The following SPMAP2L variants were observed in gnomAD, a reference collection of about 807,000 sequenced individuals.
SPMAP2L encodes the protein sperm microtubule associated protein 2-like.
the SPMAP2L span, among the ~76,000 whole-genome samples, chr4:56,614,428 G>A: frequency 6.6e-6 from 1 of 152,138 alleles, no homozygotes; most frequent in Non-Finnish European, 1.5e-5. Context: ...GCCAAGCCGG[G>A]TGGATCACTT....
chr4:56,595,581 T>G, the SPMAP2L span: 1 of 1,364,286 alleles, frequency 7.3e-7, no homozygotes, highest in Admixed American at 1.7e-5. Context: ...CCCACTCCCC[T>G]TCGTGAAACC....
the SPMAP2L span, among the ~76,000 whole-genome samples, chr4:56,547,761 C>T: frequency 3.3e-5 from 5 of 152,166 alleles, no homozygotes; most frequent in Non-Finnish European, 4.4e-5. Flanking sequence ...GGATTAAAAA[C>T]TCCCAAGAAA....
the SPMAP2L span, among the ~76,000 whole-genome samples, chr4:56,571,692 A>C: frequency 6.6e-6 from 1 of 152,124 alleles, no homozygotes; most frequent in Non-Finnish European, 1.5e-5. Flanking sequence ...AAAAAAAATT[A>C]AAAAAATTAT....
At chr4:56,595,246 AT>A in the SPMAP2L span, 4 of 1,612,232 alleles carry the variant, frequency 2.5e-6, no homozygotes, top group Non-Finnish European at 3.4e-6. Context: ...TCATGAATTT[AT>A]TTTGGACACG....
chr4:56,609,110 C>T, the SPMAP2L span, among the ~76,000 whole-genome samples: 252 of 143,712 alleles, frequency 1.8e-3, 5 homozygotes, highest in East Asian at 0.039. Flanking sequence ...AGTGCAGTGG[C>T]GTGATCTTGG....
the SPMAP2L span, among the ~76,000 whole-genome samples, chr4:56,617,777 G>A: frequency 3.3e-5 from 5 of 152,152 alleles, no homozygotes; most frequent in African/African-American, 4.8e-5. Context: ...CTGATCACAC[G>A]TGGGCTTGGA....
the SPMAP2L span, among the ~76,000 whole-genome samples, chr4:56,565,180 G>T: frequency 1.3e-5 from 2 of 152,146 alleles, no homozygotes; most frequent in African/African-American, 4.8e-5. Context: ...AGGCCAAGTT[G>T]GTTGGTAGTC....
At chr4:56,614,139 G>T in the SPMAP2L span, among the ~76,000 whole-genome samples, 6 of 152,162 alleles carry the variant, frequency 3.9e-5, no homozygotes, top group Non-Finnish European at 2.9e-5. Context: ...AGCTTGAATA[G>T]GATTGGGCAA....
At chr4:56,563,967 A>G in the SPMAP2L span, among the ~76,000 whole-genome samples, 4 of 152,188 alleles carry the variant, frequency 2.6e-5, no homozygotes, top group African/African-American at 7.2e-5. Context: ...GAATTCTCCA[A>G]TGAAGTCGTC....
the SPMAP2L span, among the ~76,000 whole-genome samples, chr4:56,582,654 T>C: frequency 6.6e-6 from 1 of 152,184 alleles, no homozygotes; most frequent in Non-Finnish European, 1.5e-5. Flanking sequence ...AAACAGTTTT[T>C]CAGTGCCTCA....
chr4:56,586,900 T>C, the SPMAP2L span, among the ~76,000 whole-genome samples: 2 of 148,088 alleles, frequency 1.4e-5, no homozygotes, highest in Non-Finnish European at 3.0e-5. Context: ...AAAGAATTTA[T>C]AGGCACTTAA....
chr4:56,613,046 C>T, the SPMAP2L span, among the ~76,000 whole-genome samples: 1 of 152,120 alleles, frequency 6.6e-6, no homozygotes, highest in African/African-American at 2.4e-5. Flanking sequence ...AAGCTGTCTT[C>T]AGTGGTTAGC....
chr4:56,543,314 C>T, the SPMAP2L span, among the ~76,000 whole-genome samples: 1 of 152,084 alleles, frequency 6.6e-6, no homozygotes, highest in African/African-American at 2.4e-5. Flanking sequence ...CGACCTCCTG[C>T]CCTCGTGATC....
At chr4:56,541,426 TAG>T in the SPMAP2L span, among the ~76,000 whole-genome samples, 3 of 152,218 alleles carry the variant, frequency 2.0e-5, no homozygotes, top group Admixed American at 6.5e-5. Flanking sequence ...TTGACATCAC[TAG>T]AGTCATTTTT....
At chr4:56,622,948 G>A in the SPMAP2L span, among the ~76,000 whole-genome samples, 1 of 152,100 alleles carries the variant, frequency 6.6e-6, no homozygotes, top group African/African-American at 2.4e-5. Flanking sequence ...GAGTGGTGGG[G>A]CTGGAGGGCT....
At chr4:56,592,977 T>G in the SPMAP2L span, 1 of 1,604,308 alleles carries the variant, frequency 6.2e-7, no homozygotes, top group Non-Finnish European at 8.5e-7. Flanking sequence ...CCCTTGAAAA[T>G]GGAAGACCCT....
the SPMAP2L span, among the ~76,000 whole-genome samples, chr4:56,609,262 C>T: frequency 1.3e-5 from 2 of 151,988 alleles, no homozygotes; most frequent in South Asian, 2.1e-4. Context: ...AGACTGGTCT[C>T]GAACTCCTGA....
chr4:56,538,822 A>C, the SPMAP2L span, among the ~76,000 whole-genome samples: 1 of 152,166 alleles, frequency 6.6e-6, no homozygotes. Flanking sequence ...AAACAAAAGA[A>C]AAGACTACTT....
At chr4:56,579,540 C>G in the SPMAP2L span, among the ~76,000 whole-genome samples, 1 of 150,634 alleles carries the variant, frequency 6.6e-6, no homozygotes, top group South Asian at 2.1e-4. Flanking sequence ...GAAGCTGAAG[C>G]GAGAGAATCA....
Sources: gnomAD v4.1 joint callset for allele counts (sites outside exome capture counted in the v4.1 genomes callset) on GRCh38, gnomAD v4.1.1 for gene constraint, MANE v1.5 for transcripts, NCBI Gene and HGNC (gene_info 2026-07-23, HGNC 2026-07-21) for gene names.